BLK: variants seen among roughly 807,000 people sequenced by gnomAD.
BLK encodes the protein tyrosine-protein kinase Blk.
Under a neutral mutation model 61.8 loss-of-function variants are expected in BLK, and 64 were observed. The observed-to-expected ratio is 1.03, with a 90% CI of 0.85 to 1.27. BLK has a LOEUF of 1.27. Among genes scored for constraint, BLK ranks in the 50% most tolerant of loss-of-function variants. The pLI is 0.00. For synonymous variants in BLK, 351 were observed against 272.0 expected (o/e 1.29, Z -2.86); for missense variants, 853 against 660.5 (o/e 1.29, Z -3.19).
chr8:11,554,594 G>A, intron 6 of BLK, 149 bp from the exon 7 acceptor site: 1 of 959,990 alleles, frequency 1.0e-6, no homozygotes, highest in Non-Finnish European at 1.6e-6. Context: ...AGGTTGAGAT[G>A]CAGGGAAAGG....
At chr8:11,540,612 C>T (rs1800330172) in intron 1 of BLK, among the ~76,000 whole-genome samples, 1 of 151,980 alleles carries the variant, frequency 6.6e-6, no homozygotes, top group Non-Finnish European at 1.5e-5. Context: ...GACAATGCTA[C>T]ATAAAACTAT....
intron 1 of BLK, among the ~76,000 whole-genome samples, chr8:11,506,543 T>C (rs1322613533): frequency 6.6e-6 from 1 of 152,094 alleles, no homozygotes; most frequent in Non-Finnish European, 1.5e-5. Flanking sequence ...GTCCACAGCT[T>C]GGTGTGCAAA....
At position 11,509,927 on chromosome 8, in the gene BLK, T is replaced by C. The variant is rs924239989; in HGVS notation, c.-2+15336T>C. The C allele has an allele frequency of 2.6e-5, 4 of 152,218 alleles. No individual in the cohort carries two copies. The South Asian group carries it at 8.3e-4, about 32-fold the overall frequency. The allele number at this position is 152,218 out of a possible 1,614,324, so 9.4% of individuals were successfully genotyped here. ...TTCTTCTCTTTTCTTTTTCTTTCTT[T>C]TTATTATAACATAAGCATCTTTCCC... On this transcript the variant is annotated intron_variant, in intron 1 of 12. Coordinates refer to ENST00000259089, the MANE Select transcript of BLK (RefSeq NM_001715.3).
rs1488013250 is a variant in BLK, at chr8:11,556,770, G to A, written c.885G>A (p.Arg295=). 1 of 1,614,232 alleles carries A rather than the reference G, an allele frequency of 6.2e-7. No individual in the cohort carries two copies. Among genetic ancestry groups the A allele is most frequent in the Non-Finnish European group, 8.5e-7 (1 of 1,180,050 alleles). The part of the protein sequence containing the change: ...ANVMKALQHE[R]LVRLYAVVTK... The stretch of plus-strand genomic sequence containing the variant: ...TGATGAAGGCTCTGCAGCACGAGCG[G>A]CTGGTCCGACTCTACGCAGTGGTCA... Residue 295 remains arginine, a synonymous_variant, in exon 9 of 13, where the codon CGG becomes CGA. Coordinates refer to ENST00000259089, the MANE Select transcript of BLK (RefSeq NM_001715.3).
chr8:11,504,658 G>A (rs555608717), intron 1 of BLK, among the ~76,000 whole-genome samples: 17 of 152,360 alleles, frequency 1.1e-4, no homozygotes, highest in Non-Finnish European at 2.2e-4. Context: ...CATGGAGCAT[G>A]TGCTCAAAAA....
intron 1 of BLK, among the ~76,000 whole-genome samples, chr8:11,522,843 A>T (rs1799508906): frequency 6.6e-6 from 1 of 152,224 alleles, no homozygotes; most frequent in Non-Finnish European, 1.5e-5. Context: ...AATTGCTTAT[A>T]CATGTCGTAA....
At chr8:11,542,149 G>A (rs150843546) in intron 1 of BLK, among the ~76,000 whole-genome samples, 3 of 152,180 alleles carry the variant, frequency 2.0e-5, no homozygotes, top group Non-Finnish European at 2.9e-5. Flanking sequence ...TCACTTAATC[G>A]AAGACGCCAC....
intron 1 of BLK, among the ~76,000 whole-genome samples, chr8:11,535,310 A>AAGAAAGAAAGAAAGAAAG (rs1800085935): frequency 6.9e-6 from 1 of 145,002 alleles, no homozygotes; most frequent in Non-Finnish European, 1.5e-5. Context: ...GAAAGAAAGA[A>AAGAAAGAAAGAAAGAAAG]AGAAAGAAAG....
chr8:11,560,976 C>T (rs1801479813), intron 10 of BLK: 1 of 530,144 alleles, frequency 1.9e-6, no homozygotes, highest in Non-Finnish European at 3.6e-6. Context: ...TTCTTCTCTT[C>T]TCCCTCCCTC....
intron 1 of BLK, among the ~76,000 whole-genome samples, chr8:11,505,681 A>G (rs573069465): frequency 1.2e-3 from 177 of 152,140 alleles, no homozygotes; most frequent in African/African-American, 4.2e-3. Context: ...CTAAAACTCA[A>G]ATGTGGCCCT....
chr8:11,564,369 C>T lies in BLK; in HGVS notation c.*261C>T. 2.9e-6 allele frequency: 2 copies of T among 685,252 alleles called. No individual in the cohort carries two copies. The highest frequency in any genetic ancestry group is 2.8e-5 in the East Asian group (1 of 35,984). The allele number at this position is 685,252 out of a possible 1,614,324, so 42.4% of individuals were successfully genotyped here. A position where few individuals can be genotyped will look rare whatever the true frequency, so the allele number is the denominator to read the frequency against. On this transcript the variant is annotated 3_prime_UTR_variant, in exon 13 of 13. Coordinates refer to ENST00000259089, the MANE Select transcript of BLK (RefSeq NM_001715.3). ...TGACCTCGCACGGTCATCCGGAGTA[C>T]TAAGCCCCAGTAAGGTGTTCAGGAC...
chr8:11,513,885 AC>A (rs1799122320), intron 1 of BLK, among the ~76,000 whole-genome samples: 1 of 152,110 alleles, frequency 6.6e-6, no homozygotes, highest in South Asian at 2.1e-4. Flanking sequence ...GCTGGGCCCG[AC>A]CCAGGTGGAT....
chr8:11,536,285 G>T (rs750058997), intron 1 of BLK, among the ~76,000 whole-genome samples: 2 of 152,138 alleles, frequency 1.3e-5, no homozygotes, highest in Non-Finnish European at 1.5e-5. Flanking sequence ...TCATTTAGAG[G>T]AAATAAAACG....
chr8:11,544,502 C>T (rs1800532614), intron 2 of BLK, among the ~76,000 whole-genome samples: 1 of 152,162 alleles, frequency 6.6e-6, no homozygotes, highest in Non-Finnish European at 1.5e-5. Context: ...GCGCCAGTCT[C>T]AGCGCACAAC....
chr8:11,543,952 T>C (rs936077074), intron 2 of BLK, among the ~76,000 whole-genome samples: 5 of 148,226 alleles, frequency 3.4e-5, no homozygotes, highest in African/African-American at 1.2e-4. Context: ...GGCTACAGCA[T>C]GTCTGAAGAT....
chr8:11,540,845 C>G (rs1180167874), intron 1 of BLK, among the ~76,000 whole-genome samples: 1 of 96,848 alleles, frequency 1.0e-5, no homozygotes, highest in East Asian at 3.0e-4. Context: ...TATGAAACCA[C>G]TCAAGAAGAT....
chr8:11,515,271 C>A (rs1396973750), intron 1 of BLK, among the ~76,000 whole-genome samples: 1 of 152,164 alleles, frequency 6.6e-6, no homozygotes. Context: ...CTGTGCCACT[C>A]CCGGCTGAGG....
At chr8:11,501,474 G>A (rs1177765889) in intron 1 of BLK, among the ~76,000 whole-genome samples, 1 of 152,044 alleles carries the variant, frequency 6.6e-6, no homozygotes, top group African/African-American at 2.4e-5. Flanking sequence ...GAAGTGTGAG[G>A]TCAAGATAGG....
At chr8:11,562,594 C>T (rs561974834) in intron 11 of BLK, among the ~76,000 whole-genome samples, 2 of 152,306 alleles carry the variant, frequency 1.3e-5, no homozygotes, top group South Asian at 2.1e-4. Flanking sequence ...ACGGAGGCGC[C>T]CGCAGGTTTA....
Sources: gnomAD v4.1 joint callset for allele counts (sites outside exome capture counted in the v4.1 genomes callset) on GRCh38, gnomAD v4.1.1 for gene constraint, MANE v1.5 for transcripts, NCBI Gene and HGNC (gene_info 2026-07-23, HGNC 2026-07-21) for gene names.